Variants in NFASC observed in about 807,000 individuals in gnomAD.
The protein encoded by NFASC is neurofascin.
NFASC carries 43 observed loss-of-function variants against 147.5 expected under a neutral mutation model. That is an observed-to-expected ratio of 0.29 (90% CI 0.23 to 0.38). NFASC has a LOEUF of 0.38. Ranked by LOEUF, NFASC falls within the 10% of genes least tolerant of loss-of-function variation. The pLI, the probability that NFASC is intolerant of heterozygous loss-of-function variation, is 1.00. For synonymous variants in NFASC, 622 were observed against 665.5 expected (o/e 0.93, Z 1.01); for missense variants, 1,320 against 1,689.0 (o/e 0.78, Z 3.83).
At chr1:204,843,723 T>C (rs1676163940) in intron 1 of NFASC, among the ~76,000 whole-genome samples, 1 of 149,504 alleles carries the variant, frequency 6.7e-6, no homozygotes, top group Admixed American at 6.7e-5. Context: ...TCTCTCTTTC[T>C]TTCACGGAAT....
At chr1:204,917,855 G>A (rs1015426503) in intron 1 of NFASC, among the ~76,000 whole-genome samples, 3 of 152,078 alleles carry the variant, frequency 2.0e-5, no homozygotes, top group Non-Finnish European at 2.9e-5. Context: ...TTCCTTCTTC[G>A]GGAATGGTAT....
intron 1 of NFASC, among the ~76,000 whole-genome samples, chr1:204,844,627 TC>T (rs1297141189): frequency 2.6e-5 from 4 of 152,260 alleles, no homozygotes; most frequent in African/African-American, 9.6e-5. Flanking sequence ...ATGCCTGTAA[TC>T]CCAGCGCTTT....
In NFASC at chr1:204,991,277, C is replaced by T. The variant is rs16854899; in HGVS notation, c.2768-15C>T. 7.7e-4 allele frequency: 1,241 copies of T among 1,612,490 alleles called. 6 individuals are homozygous for T. The African/African-American group carries it at 0.014, about 19-fold the overall frequency. On this transcript the variant is annotated splice_polypyrimidine_tract_variant and intron_variant, in intron 23 of 29. Transcript: ENST00000339876. The stretch of plus-strand genomic sequence containing the variant: ...TCTCCCTCTGTCTGGCCATCTTGGG[C>T]GCTGTGTTCTGAAGCTACTCCAACC...
chr1:204,915,466 A>G (rs535629595), intron 1 of NFASC, among the ~76,000 whole-genome samples: 1 of 152,300 alleles, frequency 6.6e-6, no homozygotes, highest in Admixed American at 6.5e-5. Flanking sequence ...GGTATACAAC[A>G]AACTAGTAAC....
In NFASC at chr1:205,015,301, C is replaced by A. The variant is rs536546826; in HGVS notation, c.3492-1007C>A. ...CCCACCACTGAGACCCAGACTCCCACTGCTCAGACCCAGACTCCCACTGCT... is the reference window on the plus strand; with the variant it reads ...CCCACCACTGAGACCCAGACTCCCAATGCTCAGACCCAGACTCCCACTGCT... On this transcript the variant is annotated intron_variant, in intron 29 of 29. Transcript: ENST00000339876. This position sits in a 1 kb window ranked among gnomAD's most constrained non-coding sequence, Gnocchi z 4.0. Among the ~76,000 whole-genome samples the A allele has an allele frequency of 6.6e-6, 1 of 152,152 alleles. No individual in the cohort carries two copies. Among genetic ancestry groups the A allele is most frequent in the Non-Finnish European group, 1.5e-5 (1 of 68,012 alleles).
intron 1 of NFASC, among the ~76,000 whole-genome samples, chr1:204,906,250 G>T (rs2085830859): frequency 6.6e-6 from 1 of 152,070 alleles, no homozygotes; most frequent in Non-Finnish European, 1.5e-5. Context: ...CCCTTGCTAG[G>T]TGTATAGTCC....
At chr1:204,939,037 G>GGTGTGT (rs1553265981) in intron 2 of NFASC, among the ~76,000 whole-genome samples, 2 of 65,310 alleles carry the variant, frequency 3.1e-5, no homozygotes, top group Non-Finnish European at 7.4e-5. Flanking sequence ...TGTATGGATG[G>GGTGTGT]ATGTGTGTGT....
intron 26 of NFASC, among the ~76,000 whole-genome samples, chr1:205,001,590 T>TAGCC (rs2095987995): frequency 6.6e-6 from 1 of 152,158 alleles, no homozygotes; most frequent in African/African-American, 2.4e-5. Flanking sequence ...GGGTTCTGAA[T>TAGCC]AGCCCCCAAA....
At chr1:205,013,870 T>C (rs560384720) in intron 29 of NFASC, among the ~76,000 whole-genome samples, 1 of 152,272 alleles carries the variant, frequency 6.6e-6, no homozygotes, top group African/African-American at 2.4e-5. Flanking sequence ...CACAATCAGA[T>C]CAATGTGTGG....
At position 204,880,641 on chromosome 1, in the gene NFASC, A is replaced by C. The variant is rs535036749; in HGVS notation, c.-199-39991A>C. On this transcript the variant is annotated intron_variant, in intron 1 of 29. Transcript: ENST00000339876. ...TGCTGGGATTACAGACGTGATTCCC[A>C]CTTGGCCTTGAGTTTTTCACTGTGA... Among the ~76,000 whole-genome samples the C allele has an allele frequency of 2.9e-4, 44 of 152,234 alleles. 1 individual carries two copies. The South Asian group carries it at 8.9e-3, about 31-fold the overall frequency.
chr1:204,912,787 G>A (rs571899236), intron 1 of NFASC, among the ~76,000 whole-genome samples: 1 of 152,248 alleles, frequency 6.6e-6, no homozygotes, highest in East Asian at 1.9e-4. Flanking sequence ...GAGAGGCTGA[G>A]GCAGGAGGAT....
intron 21 of NFASC, chr1:204,984,382 C>CATATATATATATATATATATGCAT (rs2095569129): frequency 7.5e-6 from 1 of 134,110 alleles, no homozygotes; most frequent in Non-Finnish European, 1.5e-5. Flanking sequence ...TATATATACG[C>CATATATATATATATATATATGCAT]ATATATATAT....
At position 205,022,568 on chromosome 1, in the gene NFASC, C is replaced by T. The variant is rs2096407731; in HGVS notation, c.*6029C>T. On this transcript the variant is annotated 3_prime_UTR_variant, in exon 30 of 30. Coordinates refer to ENST00000339876, the MANE Select transcript of NFASC (RefSeq NM_001005388.3). ...GTTTTAACCCCTCTCACATCATGTTCTTTCCTTTTTTGCGAGTTATTTTGC... is the reference window on the plus strand; with the variant it reads ...GTTTTAACCCCTCTCACATCATGTTTTTTCCTTTTTTGCGAGTTATTTTGC... 1 of 152,652 alleles carries T rather than the reference C, an allele frequency of 6.6e-6. No homozygotes were observed. The highest frequency in any genetic ancestry group is 2.4e-5 in the African/African-American group (1 of 41,456). The allele number at this position is 152,652 out of a possible 1,614,324, so 9.5% of individuals were successfully genotyped here. A position where few individuals can be genotyped will look rare whatever the true frequency, so the allele number is the denominator to read the frequency against.
At chr1:204,928,003 G>T (rs2091915968) in intron 2 of NFASC, among the ~76,000 whole-genome samples, 1 of 152,182 alleles carries the variant, frequency 6.6e-6, no homozygotes, top group African/African-American at 2.4e-5. Flanking sequence ...CCCCAGAGGG[G>T]GGAGTTCGCT....
chr1:204,846,728 C>T (rs979069608), intron 1 of NFASC, among the ~76,000 whole-genome samples: 3 of 152,120 alleles, frequency 2.0e-5, no homozygotes, highest in African/African-American at 2.4e-5. Context: ...TCAACAGCCA[C>T]GGGACTTGGT....
In NFASC at chr1:204,975,121, A is replaced by T; in HGVS notation, c.1559-150A>T. ...CTGCTTTGGGGATTACCCACCCAGA[A>T]CTCTGCTCCGTTCATACCATAGCAT... On this transcript the variant is annotated intron_variant, in intron 14 of 29. Transcript: ENST00000339876. This position sits in a 1 kb window ranked among gnomAD's most constrained non-coding sequence, Gnocchi z 4.0. The T allele has an allele frequency of 1.2e-6, 1 of 847,562 alleles. No individual in the cohort carries two copies. The highest frequency in any genetic ancestry group is 1.8e-6 in the Non-Finnish European group (1 of 554,074). The allele number at this position is 847,562 out of a possible 1,614,324, so 52.5% of individuals were successfully genotyped here.
intron 1 of NFASC, among the ~76,000 whole-genome samples, chr1:204,886,155 T>C (rs1266908812): frequency 1.3e-5 from 2 of 152,350 alleles, no homozygotes; most frequent in African/African-American, 4.8e-5. Flanking sequence ...CAAATGAAGC[T>C]GATTTCGTTC....
At chr1:204,988,077 T>A (rs2095651874) in intron 22 of NFASC, among the ~76,000 whole-genome samples, 1 of 152,220 alleles carries the variant, frequency 6.6e-6, no homozygotes, top group Admixed American at 6.5e-5. Flanking sequence ...GCCATTACAT[T>A]TGAAACACTT....
Position 204,963,031 on chromosome 1 carries a change from A to G in NFASC, c.706+5205A>G, listed in dbSNP as rs377260423. ...AGGCAGCTGGCCCCCATCATTAGTT[A>G]TGCCTCAGAAGCTGAGGCTGCAGGT... is the stretch of plus-strand genomic sequence containing the variant. On this transcript the variant is annotated intron_variant, in intron 8 of 29. Transcript: ENST00000339876. Among the ~76,000 whole-genome samples, 23 of 152,324 alleles carry G rather than the reference A, an allele frequency of 1.5e-4. No individual in the cohort carries two copies. The East Asian group carries it at 3.9e-3, about 26-fold the overall frequency.
Sources: gnomAD v4.1 joint callset for allele counts (sites outside exome capture counted in the v4.1 genomes callset) on GRCh38, gnomAD v4.1.1 for gene constraint, Gnocchi (gnomAD v3.1) non-coding constraint, MANE v1.5 for transcripts, NCBI Gene and HGNC (gene_info 2026-07-23, HGNC 2026-07-21) for gene names.